Variants in RGS6 observed in about 807,000 individuals in gnomAD.
The protein encoded by RGS6 is regulator of G-protein signaling 6.
A neutral mutation model predicts 78.5 loss-of-function variants in RGS6; 30 were observed. That is an observed-to-expected ratio of 0.38 (90% CI 0.29 to 0.52). The LOEUF is 0.52. Ranked by LOEUF, RGS6 falls within the 20% of genes least tolerant of loss-of-function variation. The pLI is 0.85. For synonymous variants in RGS6, 206 were observed against 206.0 expected (o/e 1.00, Z 0.00); for missense variants, 495 against 609.7 (o/e 0.81, Z 1.98).
At chr14:72,272,663 A>G (rs932874393) in intron 2 of RGS6, among the ~76,000 whole-genome samples, 1 of 152,174 alleles carries the variant, frequency 6.6e-6, no homozygotes, top group Non-Finnish European at 1.5e-5. Flanking sequence ...CAGCCCCATC[A>G]TCCTGTCCTT....
intron 2 of RGS6, among the ~76,000 whole-genome samples, chr14:72,029,070 A>AAC (rs1402834451): frequency 6.6e-6 from 1 of 152,216 alleles, no homozygotes; most frequent in East Asian, 1.9e-4. Flanking sequence ...GAGGATGGAT[A>AAC]ACATATTTTG....
At chr14:71,969,683 T>C (rs1267831179) in intron 2 of RGS6, among the ~76,000 whole-genome samples, 1 of 152,222 alleles carries the variant, frequency 6.6e-6, no homozygotes, top group African/African-American at 2.4e-5. Flanking sequence ...ATATATTCAG[T>C]GTCCATGTAA....
At chr14:72,087,127 A>T (rs1446662916) in intron 2 of RGS6, among the ~76,000 whole-genome samples, 1 of 152,062 alleles carries the variant, frequency 6.6e-6, no homozygotes. Flanking sequence ...ATTTTATTTT[A>T]CATTATTATG....
intron 2 of RGS6, among the ~76,000 whole-genome samples, chr14:72,048,250 A>T (rs1041202225): frequency 1.3e-5 from 2 of 152,150 alleles, no homozygotes; most frequent in Non-Finnish European, 2.9e-5. Flanking sequence ...TTAAACTTGA[A>T]TTTCTATCAA....
intron 3 of RGS6, among the ~76,000 whole-genome samples, chr14:72,424,748 A>T (rs1425439187): frequency 6.6e-6 from 1 of 152,194 alleles, no homozygotes; most frequent in Non-Finnish European, 1.5e-5. Context: ...TCTTGTTTAT[A>T]TGGATTTTAT....
At chr14:72,596,999 G>A in the RGS6 span, among the ~76,000 whole-genome samples, 3 of 152,190 alleles carry the variant, frequency 2.0e-5, no homozygotes, top group Admixed American at 2.0e-4. Context: ...AACACTTTGG[G>A]ATGCCAAAGT....
chr14:71,975,524 C>A (rs938646662), intron 2 of RGS6, among the ~76,000 whole-genome samples: 4 of 151,536 alleles, frequency 2.6e-5, no homozygotes, highest in South Asian at 2.1e-4. Context: ...AGTGGTGCAA[C>A]CTTGGCTCAC....
chr14:72,338,004 A>G (rs1400467778), intron 2 of RGS6, among the ~76,000 whole-genome samples: 4 of 152,220 alleles, frequency 2.6e-5, no homozygotes, highest in Non-Finnish European at 5.9e-5. Context: ...AGGAACAGGA[A>G]GCAAAGAATT....
intron 17 of RGS6, among the ~76,000 whole-genome samples, chr14:72,561,976 G>A (rs534819937): frequency 1.3e-5 from 2 of 152,300 alleles, no homozygotes; most frequent in South Asian, 4.1e-4. Context: ...CTTCTGATCA[G>A]CCAGATCCTT....
intron 2 of RGS6, among the ~76,000 whole-genome samples, chr14:72,201,096 T>C (rs1221779231): frequency 6.6e-6 from 1 of 152,094 alleles, no homozygotes; most frequent in African/African-American, 2.4e-5. Context: ...GTGAGCTTTC[T>C]CAAGGAAGTG....
At chr14:72,240,096 T>TG (rs1188434660) in intron 2 of RGS6, among the ~76,000 whole-genome samples, 4 of 152,284 alleles carry the variant, frequency 2.6e-5, no homozygotes, top group African/African-American at 9.6e-5. Context: ...CAGGTCACAT[T>TG]GGGGAGGTAC....
intron 2 of RGS6, among the ~76,000 whole-genome samples, chr14:72,005,451 A>ATCTATCTATCTT (rs1386474288): frequency 6.0e-5 from 9 of 150,888 alleles, no homozygotes; most frequent in African/African-American, 2.2e-4. Flanking sequence ...CTATCTATCT[A>ATCTATCTATCTT]TCTATCTATC....
At chr14:72,597,459 T>C in the RGS6 span, among the ~76,000 whole-genome samples, 1 of 152,238 alleles carries the variant, frequency 6.6e-6, no homozygotes, top group African/African-American at 2.4e-5. Flanking sequence ...GCTGTGGGCC[T>C]CAGGCAGCCA....
At chr14:72,322,847 T>C (rs530748980) in intron 2 of RGS6, among the ~76,000 whole-genome samples, 1 of 152,204 alleles carries the variant, frequency 6.6e-6, no homozygotes, top group South Asian at 2.1e-4. Context: ...CTAATCTTGA[T>C]GAAAAACTCA....
chr14:72,274,164 C>A (rs2060334663), intron 2 of RGS6, among the ~76,000 whole-genome samples: 1 of 152,142 alleles, frequency 6.6e-6, no homozygotes, highest in South Asian at 2.1e-4. Flanking sequence ...TTCCTCCAGG[C>A]AGATCTACAG....
chr14:72,497,521 T>C (rs899906854), intron 13 of RGS6, among the ~76,000 whole-genome samples: 1 of 152,208 alleles, frequency 6.6e-6, no homozygotes, highest in Non-Finnish European at 1.5e-5. Flanking sequence ...ATATTAACTT[T>C]GTAAAAACCC....
intron 2 of RGS6, among the ~76,000 whole-genome samples, chr14:72,330,156 G>T (rs2074680521): frequency 6.6e-6 from 1 of 152,220 alleles, no homozygotes; most frequent in Non-Finnish European, 1.5e-5. Flanking sequence ...TCCCAACCCA[G>T]GATGATGGTT....
At chr14:72,042,384 C>T (rs1281365289) in intron 2 of RGS6, among the ~76,000 whole-genome samples, 2 of 152,060 alleles carry the variant, frequency 1.3e-5, no homozygotes, top group African/African-American at 4.8e-5. Context: ...CTGCTTCGGC[C>T]TCACAAAGTG....
chr14:72,249,436 C>T (rs1286108738), intron 2 of RGS6, among the ~76,000 whole-genome samples: 1 of 152,158 alleles, frequency 6.6e-6, no homozygotes, highest in African/African-American at 2.4e-5. Context: ...AAAAGGGTAA[C>T]TTTTCAGTGC....
Sources: gnomAD v4.1 joint callset for allele counts (sites outside exome capture counted in the v4.1 genomes callset) on GRCh38, gnomAD v4.1.1 for gene constraint, MANE v1.5 for transcripts, NCBI Gene and HGNC (gene_info 2026-07-23, HGNC 2026-07-21) for gene names.